The following PARP4 variants were observed in gnomAD, a reference collection of about 807,000 sequenced individuals.
PARP4 encodes the protein poly(ADP-ribose) polymerase family member 4.
Under a neutral mutation model 187.7 loss-of-function variants are expected in PARP4, and 120 were observed. The ratio of observed to expected loss-of-function variants is 0.64; its 90% CI spans 0.55 to 0.74. The LOEUF (loss-of-function observed/expected upper bound fraction) is 0.74, where lower values mean the gene tolerates loss of function less well. PARP4 is among the 30% of genes least tolerant of loss of function. The probability of loss-of-function intolerance (pLI) is 0.00; values close to 1 mark genes in which losing one functional copy is unlikely to be tolerated. For synonymous variants in PARP4, 654 were observed against 740.9 expected (o/e 0.88, Z 1.90); for missense variants, 1,836 against 2,070.5 (o/e 0.89, Z 2.20).
intron 10 of PARP4, among the ~76,000 whole-genome samples, 191 bp from the exon 11 acceptor site, chr13:24,486,496 G>C (rs1351677319): frequency 1.3e-5 from 2 of 152,250 alleles, no homozygotes; most frequent in South Asian, 4.1e-4. Flanking sequence ...CAAAAATAAG[G>C]ATATGTAGTA....
At chr13:24,494,879 C>CTTTTTTT (rs139965809) in intron 6 of PARP4, among the ~76,000 whole-genome samples, 157 bp from the exon 7 acceptor site, 57 of 146,602 alleles carry the variant, frequency 3.9e-4, no homozygotes, top group African/African-American at 1.0e-3. Context: ...TTTTCTTTTT[C>CTTTTTTT]TTTTTTTTTT....
Position 24,469,010 on chromosome 13 carries a change from A to T in PARP4, c.2133+14T>A. On this transcript the variant is annotated intron_variant, in intron 17 of 33. Coordinates refer to ENST00000381989, the MANE Select transcript of PARP4 (RefSeq NM_006437.4). ...CCTCTCCTGTATGCATGCGGCATGCACACCAAGCCATACCGGAGCATCCTG... is the reference window on the plus strand; with the variant it reads ...CCTCTCCTGTATGCATGCGGCATGCTCACCAAGCCATACCGGAGCATCCTG... 6.3e-7 allele frequency: 1 copy of T among 1,581,868 alleles called. No homozygotes were observed. The highest frequency in any genetic ancestry group is 8.7e-7 in the Non-Finnish European group (1 of 1,150,942).
At chr13:24,468,066 T>C (rs977922546) in intron 17 of PARP4, among the ~76,000 whole-genome samples, 1 of 152,190 alleles carries the variant, frequency 6.6e-6, no homozygotes, top group South Asian at 2.1e-4. Flanking sequence ...CAAAACACCA[T>C]GGCCATGTGT....
In PARP4 at chr13:24,465,687, T is replaced by C. The variant is rs552422338; in HGVS notation, c.2133+3337A>G. Among the ~76,000 whole-genome samples, 5 of 152,056 alleles carry C rather than the reference T, an allele frequency of 3.3e-5. No individual in the cohort carries two copies. In the South Asian group the frequency reaches 1.0e-3, roughly 32 times the overall value. On this transcript the variant is annotated intron_variant, in intron 17 of 33. Coordinates refer to ENST00000381989, the MANE Select transcript of PARP4 (RefSeq NM_006437.4). ...CATGTGGGGCTTAATATCTGGGTGA[T>C]GGGTTGATAGGTGCAGCAAACCACC...
At chr13:24,438,356 GGTA>G (rs1353083691) in intron 30 of PARP4, among the ~76,000 whole-genome samples, 2 of 152,154 alleles carry the variant, frequency 1.3e-5, no homozygotes, top group Non-Finnish European at 2.9e-5. Flanking sequence ...GAGCTCAGGC[GGTA>G]ATGCTCCCTC....
intron 24 of PARP4, among the ~76,000 whole-genome samples, chr13:24,450,856 C>G (rs1871479801): frequency 2.0e-5 from 3 of 152,194 alleles, no homozygotes; most frequent in African/African-American, 7.2e-5. Context: ...GACTCCCCGT[C>G]ACATGCCTTA....
At chr13:24,476,713 G>T (rs1048633206) in intron 14 of PARP4, among the ~76,000 whole-genome samples, 5 of 152,178 alleles carry the variant, frequency 3.3e-5, no homozygotes, top group Non-Finnish European at 7.4e-5. Flanking sequence ...TTTGAGCATG[G>T]TCAAAAATGT....
chr13:24,490,627 T>C, intron 10 of PARP4, 41 bp downstream of exon 10: 1 of 1,504,840 alleles, frequency 6.6e-7, no homozygotes, highest in Admixed American at 1.7e-5. Flanking sequence ...TCAAAGAGCA[T>C]TATATTATAA....
rs1426417811 is a variant in PARP4 at position 24,469,418 on chromosome 13, T to C, written c.2047-308A>G. On this transcript the variant is annotated intron_variant, in intron 16 of 33. Coordinates refer to ENST00000381989, the MANE Select transcript of PARP4 (RefSeq NM_006437.4). ...TAATAATTACTTTAAATTTGGGAAA[T>C]TGTAGTTTCTAATTGTAACTGTGGA... Among the ~76,000 whole-genome samples the C allele has an allele frequency of 2.6e-5, 4 of 152,214 alleles. No homozygotes were observed. In the South Asian group the frequency reaches 6.2e-4, roughly 24 times the overall value.
intron 32 of PARP4, among the ~76,000 whole-genome samples, chr13:24,430,899 G>T (rs1267610120): frequency 6.6e-6 from 1 of 152,242 alleles, no homozygotes; most frequent in Non-Finnish European, 1.5e-5. Flanking sequence ...ATGGGGCTAT[G>T]TGACTAGTAT....
chr13:24,453,693 G>C (rs759587827), intron 22 of PARP4, 39 bp from the exon 23 acceptor site: 2 of 1,140,054 alleles, frequency 1.8e-6, no homozygotes, highest in Admixed American at 1.7e-5. Context: ...GCTTCCACAC[G>C]TTCACTTGCT....
chr13:24,499,485 C>T (rs1378438855), intron 4 of PARP4, 109 bp from the exon 5 acceptor site: 2 of 813,970 alleles, frequency 2.5e-6, no homozygotes, highest in Non-Finnish European at 3.7e-6. Flanking sequence ...TGATAGATTC[C>T]TTACAAAACA....
intron 1 of PARP4, among the ~76,000 whole-genome samples, chr13:24,505,868 T>G (rs1566023627): frequency 6.6e-6 from 1 of 152,236 alleles, no homozygotes; most frequent in Admixed American, 6.5e-5. Flanking sequence ...CCGGGTCCTG[T>G]GTTAGCTTGG....
intron 30 of PARP4, among the ~76,000 whole-genome samples, chr13:24,440,331 G>C (rs1168207739): frequency 6.9e-6 from 1 of 145,198 alleles, no homozygotes; most frequent in African/African-American, 2.6e-5. Context: ...CCAGGAGGTA[G>C]AGGTTGCAGT....
At chr13:24,442,894 C>T (rs1466635111) in intron 28 of PARP4, among the ~76,000 whole-genome samples, 1 of 151,148 alleles carries the variant, frequency 6.6e-6, no homozygotes, top group Non-Finnish European at 1.5e-5. Context: ...GTTCAGAGAG[C>T]TCTCCCGGGC....
chr13:24,493,807 G>C (rs768893420), intron 7 of PARP4, 74 bp from the exon 8 acceptor site: 65 of 1,410,580 alleles, frequency 4.6e-5, no homozygotes, highest in Non-Finnish European at 6.1e-5. Context: ...ATGGGCCAAC[G>C]AACAGAGGTG....
intron 5 of PARP4, among the ~76,000 whole-genome samples, chr13:24,498,736 AT>A (rs1213208926): frequency 6.9e-6 from 1 of 143,924 alleles, no homozygotes; most frequent in Non-Finnish European, 1.5e-5. Flanking sequence ...ACTAGTGTTG[AT>A]TTTCATTTGT....
Position 24,494,562 on chromosome 13 carries a change from A to C in PARP4, c.741+11T>G. Reference sequence around the variant, plus strand: ...TCAATCAACAACAAAAAAATTATAAATCAATCTCACTGCTTGCAATTGTTC... The same window carrying C: ...TCAATCAACAACAAAAAAATTATAACTCAATCTCACTGCTTGCAATTGTTC... On this transcript the variant is annotated intron_variant, in intron 7 of 33. Coordinates refer to ENST00000381989, the MANE Select transcript of PARP4 (RefSeq NM_006437.4). 2 of 1,595,578 alleles carry C rather than the reference A, an allele frequency of 1.3e-6. No individual in the cohort carries two copies. Among genetic ancestry groups the C allele is most frequent in the Non-Finnish European group, 1.7e-6 (2 of 1,172,878 alleles).
At chr13:24,424,527 T>C (rs1014706834) in intron 33 of PARP4, among the ~76,000 whole-genome samples, 1 of 152,202 alleles carries the variant, frequency 6.6e-6, no homozygotes, top group African/African-American at 2.4e-5. Context: ...TTATACATAT[T>C]AGTTTCTAAC....
Sources: gnomAD v4.1 joint callset for allele counts (sites outside exome capture counted in the v4.1 genomes callset) on GRCh38, gnomAD v4.1.1 for gene constraint, MANE v1.5 for transcripts, NCBI Gene and HGNC (gene_info 2026-07-23, HGNC 2026-07-21) for gene names.